Variants in ENOX1 observed in about 807,000 individuals in gnomAD.
ENOX1 encodes the protein candidate growth-related and time keeping constitutive hydroquinone (NADH) oxidase.
A neutral mutation model predicts 82.5 loss-of-function variants in ENOX1; 42 were observed. That is an observed-to-expected ratio of 0.51 (90% CI 0.40 to 0.66). The LOEUF is 0.66. ENOX1 is among the 30% of genes least tolerant of loss of function. ENOX1 has a pLI of 0.00. For synonymous variants in ENOX1, 271 were observed against 282.2 expected (o/e 0.96, Z 0.40); for missense variants, 608 against 811.6 (o/e 0.75, Z 3.05).
intron 2 of ENOX1, among the ~76,000 whole-genome samples, chr13:43,511,694 T>G (rs1284435835): frequency 4.6e-5 from 7 of 152,170 alleles, no homozygotes. Context: ...AACATTTCAC[T>G]GATTCTTACT....
chr13:43,225,514 C>T lies in ENOX1; in HGVS notation c.1715-1376G>A, dbSNP rs181389980. ...AGATGAATTAAATCTGAGGGTAAGC[C>T]TTCATGTTCTGTTTTTTGTGAGCCT... On this transcript the variant is annotated intron_variant, in intron 15 of 16. Transcript: ENST00000690772. Among the ~76,000 whole-genome samples the T allele has an allele frequency of 2.0e-5, 3 of 152,208 alleles. 1 individual carries two copies. The highest frequency in any genetic ancestry group is 7.2e-5 in the African/African-American group (3 of 41,544).
chr13:43,669,345 C>G (rs1204817253), intron 1 of ENOX1, among the ~76,000 whole-genome samples: 1 of 152,164 alleles, frequency 6.6e-6, no homozygotes, highest in Non-Finnish European at 1.5e-5. Flanking sequence ...TGAATTTAAA[C>G]AGTTCTTATC....
chr13:43,374,882 TGTAGTCTCCA>T (rs1276673841), intron 5 of ENOX1, among the ~76,000 whole-genome samples: 1 of 152,176 alleles, frequency 6.6e-6, no homozygotes, highest in African/African-American at 2.4e-5. Context: ...TCTACTTGTT[TGTAGTCTCCA>T]GGGTGGTAAA....
chr13:43,517,319 G>A (rs1292906441), intron 2 of ENOX1, among the ~76,000 whole-genome samples: 1 of 152,068 alleles, frequency 6.6e-6, no homozygotes, highest in African/African-American at 2.4e-5. Flanking sequence ...CCAACATGGT[G>A]AAACCCGGTC....
chr13:43,245,807 A>G (rs2043053344), intron 14 of ENOX1, among the ~76,000 whole-genome samples: 1 of 152,234 alleles, frequency 6.6e-6, no homozygotes, highest in South Asian at 2.1e-4. Flanking sequence ...GTGATTCATC[A>G]TGATGTGACC....
At chr13:43,692,684 A>C (rs2086426759) in intron 1 of ENOX1, among the ~76,000 whole-genome samples, 1 of 152,218 alleles carries the variant, frequency 6.6e-6, no homozygotes, top group Non-Finnish European at 1.5e-5. Flanking sequence ...TTGCCTCTAA[A>C]TTTATGTAAA....
At chr13:43,500,175 A>G (rs957487436) in intron 2 of ENOX1, among the ~76,000 whole-genome samples, 19 of 152,162 alleles carry the variant, frequency 1.2e-4, no homozygotes, top group African/African-American at 3.4e-4. Context: ...AAAAAGGAAC[A>G]GAAAGCTTAT....
chr13:43,345,580 T>C (rs1397305273), intron 8 of ENOX1, among the ~76,000 whole-genome samples: 2 of 152,104 alleles, frequency 1.3e-5, no homozygotes, highest in East Asian at 1.9e-4. Flanking sequence ...AACAAACCCG[T>C]GTTGTATGGC....
intron 12 of ENOX1, among the ~76,000 whole-genome samples, chr13:43,289,927 A>G (rs2045906216): frequency 6.6e-6 from 1 of 151,964 alleles, no homozygotes; most frequent in South Asian, 2.1e-4. Context: ...ATGAACAGAT[A>G]CTTCTCAAAA....
intron 1 of ENOX1, among the ~76,000 whole-genome samples, chr13:43,740,940 A>G (rs2089879057): frequency 6.6e-6 from 1 of 152,214 alleles, no homozygotes; most frequent in African/African-American, 2.4e-5. Context: ...TAGTGCTGCT[A>G]TAAACATTTG....
At chr13:43,348,975 A>ATATATAGT (rs1157244627) in intron 8 of ENOX1, among the ~76,000 whole-genome samples, 1 of 152,258 alleles carries the variant, frequency 6.6e-6, no homozygotes, top group Non-Finnish European at 1.5e-5. Flanking sequence ...TATAGTGTTC[A>ATATATAGT]GTACTATCCA....
At chr13:43,494,252 C>A (rs193086030) in intron 2 of ENOX1, among the ~76,000 whole-genome samples, 2 of 152,204 alleles carry the variant, frequency 1.3e-5, no homozygotes, top group East Asian at 3.9e-4. Flanking sequence ...TACGAAGACC[C>A]ACAGATACTG....
Position 43,392,299 on chromosome 13 carries a change from C to T in ENOX1, c.208+19617G>A, listed in dbSNP as rs555294330. On this transcript the variant is annotated intron_variant, in intron 5 of 16. Transcript: ENST00000690772. ...CACAATCAGAATATGAGCTCCATGACAGCAGGAATAACTTTAGGTATTCAC... is the reference window on the plus strand; with the variant it reads ...CACAATCAGAATATGAGCTCCATGATAGCAGGAATAACTTTAGGTATTCAC... 5.9e-5 allele frequency among the ~76,000 whole-genome samples: 9 copies of T among 152,300 alleles called. No individual in the cohort carries two copies. The South Asian group carries it at 1.9e-3, about 32-fold the overall frequency.
intron 12 of ENOX1, among the ~76,000 whole-genome samples, chr13:43,277,408 T>A (rs1381393869): frequency 6.6e-6 from 1 of 152,150 alleles, no homozygotes; most frequent in African/African-American, 2.4e-5. Flanking sequence ...CCTGGGTTGA[T>A]CTCTGAGAGG....
intron 11 of ENOX1, among the ~76,000 whole-genome samples, chr13:43,321,801 T>C (rs1349648232): frequency 6.6e-6 from 1 of 152,218 alleles, no homozygotes; most frequent in East Asian, 1.9e-4. Context: ...TGGATTTATA[T>C]ATAATTCAAT....
chr13:43,706,229 TAAG>T (rs1327590637), intron 1 of ENOX1, among the ~76,000 whole-genome samples: 1 of 151,856 alleles, frequency 6.6e-6, no homozygotes, highest in Non-Finnish European at 1.5e-5. Context: ...GCTACCAAGT[TAAG>T]AAGCTACAGA....
intron 1 of ENOX1, among the ~76,000 whole-genome samples, chr13:43,769,186 T>A (rs1372666999): frequency 6.6e-6 from 1 of 152,172 alleles, no homozygotes; most frequent in Admixed American, 6.5e-5. Context: ...TAGGATGACA[T>A]ATGCAACTGT....
At position 43,264,291 on chromosome 13, in the gene ENOX1, C is replaced by G. The variant is rs151011553; in HGVS notation, c.1611+1107G>C. Among the ~76,000 whole-genome samples the G allele has an allele frequency of 4.1e-3, 620 of 152,328 alleles. 3 individuals are homozygous for G. Among genetic ancestry groups the G allele is most frequent in the African/African-American group, 0.014 (600 of 41,578 alleles). On this transcript the variant is annotated intron_variant, in intron 14 of 16. Transcript: ENST00000690772. ...AAACTACATCACATCATAGCTGCCTCAACTTCCTGTACACTTATCATGTCC... is the reference window on the plus strand; with the variant it reads ...AAACTACATCACATCATAGCTGCCTGAACTTCCTGTACACTTATCATGTCC...
intron 1 of ENOX1, among the ~76,000 whole-genome samples, chr13:43,717,152 C>T (rs1160778035): frequency 6.6e-6 from 1 of 152,178 alleles, no homozygotes; most frequent in African/African-American, 2.4e-5. Flanking sequence ...TACTTTAAGG[C>T]TACAGTTACC....
Sources: gnomAD v4.1 joint callset for allele counts (sites outside exome capture counted in the v4.1 genomes callset) on GRCh38, gnomAD v4.1.1 for gene constraint, MANE v1.5 for transcripts, NCBI Gene and HGNC (gene_info 2026-07-23, HGNC 2026-07-21) for gene names.